The following HACD2 variants were observed in gnomAD, a reference collection of about 807,000 sequenced individuals.
The protein encoded by HACD2 is 3-hydroxyacyl-CoA dehydratase 2, also known as very-long-chain (3R)-3-hydroxyacyl-CoA dehydratase 2.
In HACD2, 15 loss-of-function variants were observed where a neutral mutation model predicts 31.0. The observed-to-expected ratio is 0.48, with a 90% CI of 0.32 to 0.75. HACD2 has a LOEUF of 0.75. Among genes scored for constraint, HACD2 ranks in the 30% least tolerant of loss-of-function variants. HACD2 has a pLI of 0.03. For synonymous variants in HACD2, 115 were observed against 122.2 expected, an observed-to-expected ratio of 0.94 and a Z score of 0.39; for missense variants, 283 against 313.0, an observed-to-expected ratio of 0.90 and a Z score of 0.72.
At chr3:123,524,713 C>T (rs1273211120) in intron 4 of HACD2, among the ~76,000 whole-genome samples, 4 of 152,050 alleles carry the variant, frequency 2.6e-5, no homozygotes, top group Admixed American at 2.6e-4. Flanking sequence ...ACTATGTTGC[C>T]CCAGCTGGTG....
chr3:123,526,805 T>C (rs1012112854), intron 4 of HACD2, among the ~76,000 whole-genome samples: 5 of 118,522 alleles, frequency 4.2e-5, no homozygotes, highest in African/African-American at 1.6e-4. Flanking sequence ...CCAGTTTCAA[T>C]GATCTACACA....
intron 4 of HACD2, among the ~76,000 whole-genome samples, chr3:123,514,260 A>C (rs1445141429): frequency 6.6e-6 from 1 of 152,168 alleles, no homozygotes; most frequent in Non-Finnish European, 1.5e-5. Flanking sequence ...GGGGCACCAG[A>C]GTGAGACTTG....
chr3:123,502,418 C>T, intron 5 of HACD2, 142 bp downstream of exon 5: 1 of 766,010 alleles, frequency 1.3e-6, no homozygotes, highest in Non-Finnish European at 2.1e-6. Context: ...GACTCCTATT[C>T]TGATGAAATC....
In HACD2 at chr3:123,527,155, C is replaced by T. The variant is rs113639692; in HGVS notation, c.381+1231G>A. Reference sequence around the variant, plus strand: ...TTACTACTAGGAAGAAGTTTTAGGTCATTGGAGACTATTGGAAGATAAAAT... The same window carrying T: ...TTACTACTAGGAAGAAGTTTTAGGTTATTGGAGACTATTGGAAGATAAAAT... On this transcript the variant is annotated intron_variant, in intron 4 of 6. Coordinates refer to ENST00000383657, the MANE Select transcript of HACD2 (RefSeq NM_198402.5). 4.2e-3 allele frequency among the ~76,000 whole-genome samples: 641 copies of T among 152,208 alleles called. 3 individuals are homozygous for T. Among genetic ancestry groups the T allele is most frequent in the African/African-American group, 0.015 (608 of 41,514 alleles).
At chr3:123,507,269 AG>A (rs951591552) in intron 4 of HACD2, among the ~76,000 whole-genome samples, 10 of 152,200 alleles carry the variant, frequency 6.6e-5, no homozygotes, top group African/African-American at 2.4e-4. Context: ...AGAAGAAAAA[AG>A]GAGGTTTAAT....
chr3:123,557,519 G>A (rs1414239202), intron 3 of HACD2, among the ~76,000 whole-genome samples: 1 of 152,064 alleles, frequency 6.6e-6, no homozygotes, highest in East Asian at 1.9e-4. Context: ...CACACCTGTA[G>A]TCCCAGCTAC....
chr3:123,567,249 GAAAAT>G (rs2056801787), intron 3 of HACD2, among the ~76,000 whole-genome samples: 1 of 152,092 alleles, frequency 6.6e-6, no homozygotes, highest in Non-Finnish European at 1.5e-5. Flanking sequence ...CCACAAAAAG[GAAAAT>G]AAAACATATT....
At chr3:123,550,591 C>T (rs1232587282) in intron 3 of HACD2, among the ~76,000 whole-genome samples, 1 of 152,148 alleles carries the variant, frequency 6.6e-6, no homozygotes, top group African/African-American at 2.4e-5. Flanking sequence ...AAGGCTGACA[C>T]CCCAGGTTCC....
In HACD2 at chr3:123,580,401, G is replaced by C. The variant is rs1453920888; in HGVS notation, c.273+1811C>G. 2.0e-5 allele frequency among the ~76,000 whole-genome samples: 3 copies of C among 151,758 alleles called. No individual in the cohort carries two copies. The East Asian group carries it at 5.9e-4, about 30-fold the overall frequency. On this transcript the variant is annotated intron_variant, in intron 2 of 6. Transcript: ENST00000383657. Reference sequence around the variant, plus strand: ...TGAGGTGGGAGGATGGCTGGGGCCTGGGAAGTCAAGGCTGCAGTGAGCAGT... The same window carrying C: ...TGAGGTGGGAGGATGGCTGGGGCCTCGGAAGTCAAGGCTGCAGTGAGCAGT...
At chr3:123,514,067 C>A (rs554108999) in intron 4 of HACD2, among the ~76,000 whole-genome samples, 2 of 152,178 alleles carry the variant, frequency 1.3e-5, no homozygotes, top group South Asian at 2.1e-4. Context: ...TTGAGCCCAG[C>A]AGTTCAAGAC....
At chr3:123,505,823 G>T (rs532618423) in intron 4 of HACD2, among the ~76,000 whole-genome samples, 1 of 152,364 alleles carries the variant, frequency 6.6e-6, no homozygotes, top group South Asian at 2.1e-4. Context: ...ATATGGACAT[G>T]AGACTAGTAA....
rs1475568503 is a variant in HACD2 at position 123,496,951 on chromosome 3, T to A, written c.683-1981A>T. Among the ~76,000 whole-genome samples, 3 of 152,218 alleles carry A rather than the reference T, an allele frequency of 2.0e-5. No homozygotes were observed. In the East Asian group the frequency reaches 5.8e-4, roughly 29 times the overall value. ...ATGGCCACGCAGACCTTCATTTCCATGGGCAGGGCCTGCCACCTATCAGAA... is the reference window on the plus strand; with the variant it reads ...ATGGCCACGCAGACCTTCATTTCCAAGGGCAGGGCCTGCCACCTATCAGAA... On this transcript the variant is annotated intron_variant, in intron 6 of 6. Coordinates refer to ENST00000383657, the MANE Select transcript of HACD2 (RefSeq NM_198402.5).
intron 3 of HACD2, among the ~76,000 whole-genome samples, chr3:123,556,780 T>C (rs574419291): frequency 5.9e-5 from 9 of 152,158 alleles, no homozygotes; most frequent in African/African-American, 2.2e-4. Context: ...ACAATCCAAC[T>C]GAAAAATGAG....
chr3:123,577,437 T>C (rs820439), intron 2 of HACD2, among the ~76,000 whole-genome samples: 57,509 of 151,622 alleles, frequency 0.38, 16,367 homozygotes, highest in African/African-American at 0.78. Flanking sequence ...CTGGCTAACA[T>C]GGTGAAACCC....
intron 6 of HACD2, among the ~76,000 whole-genome samples, chr3:123,498,141 C>T (rs1161797739): frequency 6.6e-6 from 1 of 152,134 alleles, no homozygotes; most frequent in Non-Finnish European, 1.5e-5. Context: ...CAGCAGGCAC[C>T]AGGGTGACTC....
At chr3:123,583,202 T>TA (rs75432054) in intron 1 of HACD2, among the ~76,000 whole-genome samples, 12 of 151,044 alleles carry the variant, frequency 7.9e-5, no homozygotes, top group African/African-American at 1.7e-4. Flanking sequence ...TTAACAGCCT[T>TA]AAAAAAAAAG....
intron 4 of HACD2, among the ~76,000 whole-genome samples, chr3:123,516,988 T>A (rs2056146119): frequency 6.6e-6 from 1 of 152,200 alleles, no homozygotes; most frequent in South Asian, 2.1e-4. Context: ...TCCTCTCTGA[T>A]CCTCAGCTTC....
chr3:123,535,530 G>C (rs1218860102), intron 3 of HACD2, among the ~76,000 whole-genome samples: 1 of 152,244 alleles, frequency 6.6e-6, no homozygotes, highest in Admixed American at 6.5e-5. Flanking sequence ...GGACAAGAAA[G>C]AGATTATGGC....
intron 4 of HACD2, among the ~76,000 whole-genome samples, chr3:123,507,654 T>A (rs1203599697): frequency 6.6e-6 from 1 of 152,142 alleles, no homozygotes; most frequent in Non-Finnish European, 1.5e-5. Flanking sequence ...TGTGCTTATT[T>A]CACATTGCAT....
Sources: allele counts gnomAD v4.1 joint callset (sites outside exome capture counted in the v4.1 genomes callset), GRCh38; gene constraint gnomAD v4.1.1; transcripts MANE v1.5; gene names NCBI Gene and HGNC (gene_info 2026-07-23, HGNC 2026-07-21).